The following FNBP1L variants were observed in gnomAD, a reference collection of about 807,000 sequenced individuals.
The protein encoded by FNBP1L is formin-binding protein 1-like.
Under a neutral mutation model 91.2 loss-of-function variants are expected in FNBP1L, and 36 were observed. That is an observed-to-expected ratio of 0.39 (90% CI 0.30 to 0.52). FNBP1L has a LOEUF of 0.52. Ranked by LOEUF, FNBP1L falls within the 20% of genes least tolerant of loss-of-function variation. FNBP1L has a pLI of 0.66. For synonymous variants in FNBP1L, 242 were observed against 237.0 expected (o/e 1.02, Z -0.19); for missense variants, 571 against 732.1 (o/e 0.78, Z 2.54).
intron 1 of FNBP1L, among the ~76,000 whole-genome samples, chr1:93,451,945 C>T (rs1030007651): frequency 1.4e-4 from 22 of 152,128 alleles, no homozygotes; most frequent in African/African-American, 4.8e-4. Flanking sequence ...CCACCGTGCC[C>T]GGTCTTCATC....
intron 11 of FNBP1L, among the ~76,000 whole-genome samples, chr1:93,542,719 C>A (rs1672089254): frequency 6.6e-6 from 1 of 150,536 alleles, no homozygotes; most frequent in South Asian, 2.1e-4. Flanking sequence ...TTTGAGAGCT[C>A]CTTTTAGCAT....
At chr1:93,450,022 T>C (rs1473817201) in intron 1 of FNBP1L, among the ~76,000 whole-genome samples, 1 of 152,186 alleles carries the variant, frequency 6.6e-6, no homozygotes, top group Non-Finnish European at 1.5e-5. Flanking sequence ...AGTAGAATAC[T>C]TCTAAAAAGT....
intron 2 of FNBP1L, among the ~76,000 whole-genome samples, chr1:93,501,307 G>A (rs1670433922): frequency 6.6e-6 from 1 of 152,118 alleles, no homozygotes; most frequent in Admixed American, 6.6e-5. Flanking sequence ...TGCCATAACA[G>A]AATGCCTAAG....
chr1:93,460,245 G>A (rs979197509), intron 1 of FNBP1L, among the ~76,000 whole-genome samples: 25 of 152,124 alleles, frequency 1.6e-4, no homozygotes, highest in Non-Finnish European at 3.1e-4. Flanking sequence ...GAAGGAGAGA[G>A]TTCACACTTT....
chr1:93,507,100 CACACA>C (rs1670655443), intron 2 of FNBP1L, among the ~76,000 whole-genome samples: 2 of 78,466 alleles, frequency 2.5e-5, no homozygotes, highest in East Asian at 5.7e-4. Flanking sequence ...CACACACACA[CACACA>C]CACTCTCTCT....
chr1:93,489,922 G>T (rs1204333140), intron 1 of FNBP1L, among the ~76,000 whole-genome samples: 1 of 152,140 alleles, frequency 6.6e-6, no homozygotes, highest in Non-Finnish European at 1.5e-5. Context: ...GTGGTAGTTT[G>T]GTATTCAGAA....
chr1:93,448,496 G>A lies in FNBP1L; in HGVS notation c.24+191G>A, dbSNP rs1668349531. On this transcript the variant is annotated intron_variant, in intron 1 of 16. Transcript: ENST00000271234. Reference sequence around the variant, plus strand: ...TTCTCGGCCGGGGGTCTAGGGGGCCGCTAGTCCGTGCTCCCGCCTTTGCCG... The same window carrying A: ...TTCTCGGCCGGGGGTCTAGGGGGCCACTAGTCCGTGCTCCCGCCTTTGCCG... Among the ~76,000 whole-genome samples, 4 of 152,280 alleles carry A rather than the reference G, an allele frequency of 2.6e-5. No individual in the cohort carries two copies. In the South Asian group the frequency reaches 8.3e-4, roughly 32 times the overall value.
intron 1 of FNBP1L, among the ~76,000 whole-genome samples, chr1:93,485,727 C>T (rs989171385): frequency 7.9e-5 from 12 of 152,282 alleles, no homozygotes; most frequent in African/African-American, 2.9e-4. Flanking sequence ...AGTGGAGTCT[C>T]TCTCTGTTGC....
At chr1:93,519,216 G>A (rs1229087059) in intron 2 of FNBP1L, among the ~76,000 whole-genome samples, 1 of 152,176 alleles carries the variant, frequency 6.6e-6, no homozygotes, top group African/African-American at 2.4e-5. Context: ...CTTTAGAAGG[G>A]TCTCTGCTTC....
intron 1 of FNBP1L, among the ~76,000 whole-genome samples, chr1:93,459,327 G>C (rs1286974841): frequency 1.3e-5 from 2 of 152,100 alleles, no homozygotes; most frequent in East Asian, 3.9e-4. Context: ...TGTAAACTAT[G>C]GGTCTGAAAA....
intron 9 of FNBP1L, among the ~76,000 whole-genome samples, chr1:93,535,768 T>A (rs184713805): frequency 5.9e-4 from 90 of 152,030 alleles, no homozygotes; most frequent in Admixed American, 1.5e-3. Context: ...AGACCTGTTT[T>A]AAGTCAGATC....
intron 1 of FNBP1L, among the ~76,000 whole-genome samples, chr1:93,456,308 TATCTC>T (rs1557772277): frequency 6.6e-6 from 1 of 152,244 alleles, no homozygotes; most frequent in Non-Finnish European, 1.5e-5. Context: ...ACTTTACAAA[TATCTC>T]ATGAAAGACG....
chr1:93,539,812 G>A (rs1023256870), intron 10 of FNBP1L, among the ~76,000 whole-genome samples: 2 of 151,998 alleles, frequency 1.3e-5, no homozygotes, highest in African/African-American at 4.8e-5. Context: ...AGAATGTTAA[G>A]CTTAATTTGG....
chr1:93,472,712 T>C (rs1021490577), intron 1 of FNBP1L, among the ~76,000 whole-genome samples: 1 of 142,196 alleles, frequency 7.0e-6, no homozygotes, highest in East Asian at 2.3e-4. Context: ...CTCGGGAGGC[T>C]GAGGCAGGAG....
At chr1:93,464,854 G>T (rs72961368) in intron 1 of FNBP1L, among the ~76,000 whole-genome samples, 2,292 of 152,214 alleles carry the variant, frequency 0.015, 63 homozygotes, top group African/African-American at 0.053. Context: ...GAACCATTGA[G>T]GCTTGAGTAT....
intron 1 of FNBP1L, among the ~76,000 whole-genome samples, chr1:93,485,897 A>G (rs1669879450): frequency 6.6e-6 from 1 of 152,056 alleles, no homozygotes; most frequent in Non-Finnish European, 1.5e-5. Context: ...ATGGGGTTTC[A>G]CCATGTTGGC....
At chr1:93,500,630 A>G (rs1355708634) in intron 2 of FNBP1L, among the ~76,000 whole-genome samples, 1 of 149,470 alleles carries the variant, frequency 6.7e-6, no homozygotes, top group Non-Finnish European at 1.5e-5. Context: ...ATTTACTAAT[A>G]CTGACTTATA....
At chr1:93,480,429 A>C (rs1306899851) in intron 1 of FNBP1L, among the ~76,000 whole-genome samples, 1 of 152,038 alleles carries the variant, frequency 6.6e-6, no homozygotes, top group African/African-American at 2.4e-5. Flanking sequence ...AAAACCACCA[A>C]CTTCATAGGG....
chr1:93,540,228 T>C (rs1671991692), intron 10 of FNBP1L, among the ~76,000 whole-genome samples: 1 of 152,154 alleles, frequency 6.6e-6, no homozygotes, highest in Non-Finnish European at 1.5e-5. Context: ...AGTATTGTTG[T>C]ACAAGAGCAC....
Sources: gnomAD v4.1 joint callset for allele counts (sites outside exome capture counted in the v4.1 genomes callset) on GRCh38, gnomAD v4.1.1 for gene constraint, MANE v1.5 for transcripts, NCBI Gene and HGNC (gene_info 2026-07-23, HGNC 2026-07-21) for gene names.